RLF: variants seen among roughly 807,000 people sequenced by gnomAD.
RLF encodes the protein zinc finger protein Rlf.
A neutral mutation model predicts 162.9 loss-of-function variants in RLF; 7 were observed. The ratio of observed to expected loss-of-function variants is 0.04; its 90% CI spans 0.02 to 0.08. The LOEUF is 0.08. Among genes scored for constraint, RLF ranks in the 10% least tolerant of loss-of-function variants. The pLI is 1.00. For synonymous variants in RLF, 782 were observed against 791.5 expected (o/e 0.99, Z 0.20); for missense variants, 1,664 against 2,244.7 (o/e 0.74, Z 5.23).
At position 40,239,479 on chromosome 1, in the gene RLF, A is replaced by G. The variant is rs1643261999; in HGVS notation, c.4777A>G (p.Lys1593Glu). ...GATGGAGAATCTTGTTGTTTGCGTT[A>G]AGTACGGTACCAAAATTAAGGAGGA... ...QQMENLVVCV[K>E]YGTKIKEEPP... Residue 1593 changes from lysine (K) to glutamate (E), a missense_variant, in exon 8 of 8, where the codon AAG becomes GAG. Physicochemically the swap from Lys to Glu is moderately conservative, Grantham distance 56 (BLOSUM62 1). Coordinates refer to ENST00000372771, the MANE Select transcript of RLF (RefSeq NM_012421.4). 3.7e-6 allele frequency: 6 copies of G among 1,613,910 alleles called. No homozygotes were observed. The highest frequency in any genetic ancestry group is 5.1e-6 in the Non-Finnish European group (6 of 1,180,036).
chr1:40,221,541 A>AC (rs1477046054), intron 5 of RLF, among the ~76,000 whole-genome samples: 1 of 151,638 alleles, frequency 6.6e-6, no homozygotes, highest in Admixed American at 6.6e-5. Flanking sequence ...GAGCCTTAGA[A>AC]CCACCCCCTT....
At chr1:40,214,628 A>G (rs1642900904) in intron 5 of RLF, among the ~76,000 whole-genome samples, 1 of 152,108 alleles carries the variant, frequency 6.6e-6, no homozygotes, top group Admixed American at 6.5e-5. Context: ...ATGCTTAAAG[A>G]ATTAAAGGAG....
chr1:40,179,408 G>T (rs148532191), intron 1 of RLF, among the ~76,000 whole-genome samples: 1 of 152,222 alleles, frequency 6.6e-6, no homozygotes, highest in East Asian at 1.9e-4. Flanking sequence ...TAGTAATAAT[G>T]GCTCGCTAAT....
chr1:40,178,784 A>G (rs1642367127), intron 1 of RLF, among the ~76,000 whole-genome samples: 1 of 151,270 alleles, frequency 6.6e-6, no homozygotes, highest in Non-Finnish European at 1.5e-5. Flanking sequence ...TTGGCCTCCC[A>G]AAGTGCTGGG....
chr1:40,200,868 A>C (rs1172649908), intron 4 of RLF, among the ~76,000 whole-genome samples: 1 of 3,642 alleles, frequency 2.7e-4, no homozygotes, highest in African/African-American at 1.2e-3. Flanking sequence ...TTGCTACTCT[A>C]CACACACACA....
At position 40,168,999 on chromosome 1, in the gene RLF, AAAT is replaced by A. The variant is rs201211262; in HGVS notation, c.237+7371_237+7373del. ...CAAGAGCAAAACTCCGTCTCAAAAA[AAAT>A]AATAATATGTTTTAACATAAATAAA... On this transcript the variant is annotated intron_variant, in intron 1 of 7. Transcript: ENST00000372771. 4.8e-3 allele frequency among the ~76,000 whole-genome samples: 732 copies of A among 152,296 alleles called. 7 individuals are homozygous for A. Among genetic ancestry groups the A allele is most frequent in the African/African-American group, 0.016 (685 of 41,560 alleles).
chr1:40,199,606 C>T (rs972837553), intron 4 of RLF, among the ~76,000 whole-genome samples: 18 of 152,158 alleles, frequency 1.2e-4, no homozygotes, highest in Non-Finnish European at 1.6e-4. Flanking sequence ...AATCCCTTAT[C>T]ACTGTTCTTC....
chr1:40,198,884 C>G (rs1241120656), intron 4 of RLF, among the ~76,000 whole-genome samples: 5 of 152,070 alleles, frequency 3.3e-5, no homozygotes, highest in African/African-American at 1.2e-4. Flanking sequence ...TGGTAGATTT[C>G]CTTTCAATAA....
In RLF at chr1:40,237,418, G is replaced by C. The variant is rs762931761; in HGVS notation, c.2716G>C (p.Ala906Pro). Residue 906 changes from alanine to proline, a missense_variant, in exon 8 of 8, where the codon GCT becomes CCT. Ala to Pro is a conservative substitution (Grantham distance 27). This residue lies in a region of RLF where 295 missense variants were observed against 317.4 expected (regional missense o/e 0.93). Transcript: ENST00000372771. This position sits in a 1 kb window ranked among gnomAD's most constrained non-coding sequence, Gnocchi z 4.4. Reference sequence around the variant, plus strand: ...TGATCAGTTAAGTCATAGCTCTTCAGCTTCAATGAATGAAGAGCTAATTGA... The same window carrying C: ...TGATCAGTTAAGTCATAGCTCTTCACCTTCAATGAATGAAGAGCTAATTGA... ...SSDQLSHSSSASMNEELIDTL... is the reference protein window; with the variant it reads ...SSDQLSHSSSPSMNEELIDTL... 2 of 1,613,876 alleles carry C rather than the reference G, an allele frequency of 1.2e-6. No homozygotes were observed. Among genetic ancestry groups the C allele is most frequent in the South Asian group, 2.2e-5 (2 of 91,062 alleles).
chr1:40,232,777 T>G (rs926903083), intron 7 of RLF, among the ~76,000 whole-genome samples: 1 of 152,160 alleles, frequency 6.6e-6, no homozygotes, highest in African/African-American at 2.4e-5. Context: ...CGATCATAGC[T>G]CATTACAGCT....
chr1:40,225,344 T>A (rs1051582880), intron 6 of RLF, among the ~76,000 whole-genome samples: 3 of 151,752 alleles, frequency 2.0e-5, no homozygotes, highest in Admixed American at 6.6e-5. Flanking sequence ...TTTGGGAGAC[T>A]GAGGCGGGTG....
chr1:40,195,582 T>G (rs1426433684), intron 3 of RLF, 50 bp from the exon 4 acceptor site: 32 of 1,532,976 alleles, frequency 2.1e-5, no homozygotes, highest in Non-Finnish European at 2.8e-5. Context: ...AAGGCAAAAC[T>G]AATTTTTATA....
intron 5 of RLF, among the ~76,000 whole-genome samples, chr1:40,217,362 G>T (rs1642937577): frequency 6.6e-6 from 1 of 152,134 alleles, no homozygotes; most frequent in African/African-American, 2.4e-5. Flanking sequence ...AGCTACCTTG[G>T]AGGCTGAGGC....
intron 1 of RLF, among the ~76,000 whole-genome samples, chr1:40,165,119 A>G (rs1570508309): frequency 1.3e-5 from 2 of 152,326 alleles, no homozygotes; most frequent in South Asian, 4.1e-4. Context: ...ATCTATTTTT[A>G]AAAATGCCTT....
intron 1 of RLF, among the ~76,000 whole-genome samples, chr1:40,164,983 C>T (rs1029505904): frequency 6.6e-6 from 1 of 152,168 alleles, no homozygotes; most frequent in East Asian, 1.9e-4. Context: ...GTACTGGCTT[C>T]ACTATTGAAA....
rs769567499 is a variant in RLF at position 40,202,642 on chromosome 1, C to T, written c.810+28C>T. ...GAGTAAATAATTGTTGTCATTCAAACTTGGTATTAATTTAATAGATTTATA... is the reference window on the plus strand; with the variant it reads ...GAGTAAATAATTGTTGTCATTCAAATTTGGTATTAATTTAATAGATTTATA... On this transcript the variant is annotated intron_variant, in intron 5 of 7. Transcript: ENST00000372771. 2.3e-6 allele frequency: 3 copies of T among 1,301,590 alleles called. No individual in the cohort carries two copies. In the East Asian group the frequency reaches 7.9e-5, roughly 34 times the overall value. The allele number at this position is 1,301,590 out of a possible 1,614,324, so 80.6% of individuals were successfully genotyped here.
At chr1:40,183,693 T>C (rs1642435895) in intron 1 of RLF, among the ~76,000 whole-genome samples, 1 of 152,032 alleles carries the variant, frequency 6.6e-6, no homozygotes, top group Non-Finnish European at 1.5e-5. Flanking sequence ...ATCTAACACC[T>C]ATTGGATGAC....
chr1:40,221,899 C>CA (rs895455745), intron 5 of RLF, among the ~76,000 whole-genome samples: 2,466 of 64,708 alleles, frequency 0.038, 78 homozygotes, highest in Middle Eastern at 0.058. Flanking sequence ...GACTCCGTCT[C>CA]AAAAAAAAAA....
At chr1:40,221,844 G>A (rs1311633109) in intron 5 of RLF, among the ~76,000 whole-genome samples, 1 of 141,904 alleles carries the variant, frequency 7.0e-6, no homozygotes, top group Non-Finnish European at 1.5e-5. Context: ...AGGTTGCAGT[G>A]AGCTGAGATC....
Sources: allele counts gnomAD v4.1 joint callset (sites outside exome capture counted in the v4.1 genomes callset), GRCh38; gene constraint gnomAD v4.1.1; regional missense constraint gnomAD v4.1.1; non-coding constraint Gnocchi (gnomAD v3.1); transcripts MANE v1.5; gene names NCBI Gene and HGNC (gene_info 2026-07-23, HGNC 2026-07-21).